CARS2: variants seen among roughly 807,000 people sequenced by gnomAD.
The protein encoded by CARS2 is cysteinyl-tRNA synthetase 2, mitochondrial, also known as probable cysteine--tRNA ligase, mitochondrial.
Under a neutral mutation model 68.8 loss-of-function variants are expected in CARS2, and 52 were observed. That is an observed-to-expected ratio of 0.76 (90% CI 0.61 to 0.95). The LOEUF (loss-of-function observed/expected upper bound fraction) is 0.95, where lower values mean the gene tolerates loss of function less well. CARS2 is among the 40% of genes least tolerant of loss of function. The pLI is 0.00. For missense variants in CARS2, 780 were observed against 754.2 expected (o/e 1.03, Z -0.40); for synonymous variants, 314 against 303.6 (o/e 1.03, Z -0.36).
chr13:110,659,892 G>A (rs2062459479), intron 9 of CARS2, among the ~76,000 whole-genome samples: 1 of 152,202 alleles, frequency 6.6e-6, no homozygotes, highest in Admixed American at 6.5e-5. Flanking sequence ...AATGAAGTCT[G>A]TGCCATCAAT....
chr13:110,705,942 C>A lies in CARS2; in HGVS notation c.152G>T (p.Gly51Val), dbSNP rs1344104443. Residue 51 changes from glycine (G) to valine (V), a missense_variant, in exon 1 of 15, where the codon GGT (glycine) becomes GTT (valine). Physicochemically the swap from Gly to Val is moderately radical, Grantham distance 109. Coordinates refer to ENST00000257347, the MANE Select transcript of CARS2 (RefSeq NM_024537.4). The surrounding 1 kb of genome is among the most constrained non-coding windows in gnomAD (Gnocchi z 4.0). The part of the protein sequence containing the change: ...AWLQPTGRET[G>V]VQVYNSLTGR... ...GGTGAGGCTGTTGTACACCTGCACA[C>A]CCGTCTCCCGGCCCGTGGGCTGCAG... The A allele has an allele frequency of 6.4e-7, 1 of 1,563,690 alleles. No individual in the cohort carries two copies. The highest frequency in any genetic ancestry group is 1.8e-5 in the Admixed American group (1 of 54,762).
chr13:110,713,375 C>T (rs1344123176), exon 1 of CARS2: 5 of 1,051,166 alleles, frequency 4.8e-6, no homozygotes, highest in Non-Finnish European at 5.7e-6. Flanking sequence ...GGCCGCTCCC[C>T]TGCGTTTCCC....
chr13:110,645,692 T>G (rs991995392), intron 12 of CARS2: 3 of 383,920 alleles, frequency 7.8e-6, no homozygotes, highest in Non-Finnish European at 1.4e-5. Context: ...ACATGAGATG[T>G]GTCCCCTGAG....
intron 8 of CARS2, chr13:110,664,235 A>G (rs2062585859): frequency 1.0e-6 from 1 of 982,344 alleles, no homozygotes; most frequent in South Asian, 4.7e-5. Context: ...GGCCGGACGC[A>G]GTGGCTCACA....
intron 5 of CARS2, among the ~76,000 whole-genome samples, chr13:110,683,967 G>A (rs2063225557): frequency 6.6e-6 from 1 of 152,234 alleles, no homozygotes; most frequent in South Asian, 2.1e-4. Context: ...CTGCAAGCCT[G>A]GGCTGCCCTT....
intron 9 of CARS2, among the ~76,000 whole-genome samples, chr13:110,661,684 T>A (rs2062506103): frequency 6.6e-6 from 1 of 152,220 alleles, no homozygotes; most frequent in Admixed American, 6.5e-5. Context: ...CATTTCTAGC[T>A]TTTGATGGAA....
At chr13:110,707,858 G>A (rs2063994815), upstream of CARS2, among the ~76,000 whole-genome samples, 1 of 152,172 alleles carries the variant, frequency 6.6e-6, no homozygotes, top group African/African-American at 2.4e-5. Context: ...ATATCCTGGA[G>A]TCCAACTCTG....
chr13:110,676,399 T>C lies in CARS2; in HGVS notation c.785+575A>G, dbSNP rs1211061659. ...GTTTCCAGAGTAGGGGATGCCGCAG[T>C]GGGCCAGGAGAGCAGTGTCGTGTGA... On this transcript the variant is annotated intron_variant, in intron 7 of 14. Transcript: ENST00000257347. The surrounding 1 kb of genome is among the most constrained non-coding windows in gnomAD (Gnocchi z 4.0). Among the ~76,000 whole-genome samples the C allele has an allele frequency of 2.6e-5, 4 of 152,092 alleles. No homozygotes were observed. The highest frequency in any genetic ancestry group is 5.9e-5 in the Non-Finnish European group (4 of 68,002).
Position 110,653,070 on chromosome 13 carries a change from T to G in CARS2, c.988-1970A>C, listed in dbSNP as rs552433590. On this transcript the variant is annotated intron_variant, in intron 9 of 14. Coordinates refer to ENST00000257347, the MANE Select transcript of CARS2 (RefSeq NM_024537.4). This position sits in a 1 kb window ranked among gnomAD's most constrained non-coding sequence, Gnocchi z 5.6. ...TCAAGCAGAGCCCCCGCTCCTCTAC[T>G]TCAGTATCATCAACGGCCTTTGGGA... is the stretch of plus-strand genomic sequence containing the variant. 7.2e-5 allele frequency among the ~76,000 whole-genome samples: 11 copies of G among 152,200 alleles called. No individual in the cohort carries two copies. The East Asian group carries it at 1.2e-3, about 16-fold the overall frequency.
rs535011932 is a variant in CARS2, at chr13:110,677,460, G to A, written c.656-357C>T. ...CATGGAAACACAATCACCCCACCACGGACACGCAGACAGTCACCCCACCAC... is the reference window on the plus strand; with the variant it reads ...CATGGAAACACAATCACCCCACCACAGACACGCAGACAGTCACCCCACCAC... On this transcript the variant is annotated intron_variant, in intron 6 of 14. Transcript: ENST00000257347. Among the ~76,000 whole-genome samples, 29 of 136,126 alleles carry A rather than the reference G, an allele frequency of 2.1e-4. 1 individual carries two copies. The highest frequency in any genetic ancestry group is 8.7e-4 in the East Asian group (4 of 4,580). 89.3% of individuals were successfully genotyped at this position (136,126 alleles called of 152,430 possible).
chr13:110,642,416 T>C lies in CARS2; in HGVS notation c.1522A>G (p.Thr508Ala). The change falls in exon 14 of 15, where the codon ACG (threonine) becomes GCG (alanine). Residue 508 changes from threonine to alanine, a missense_variant. By Grantham distance (58) the Thr-to-Ala change is moderately conservative. Coordinates refer to ENST00000257347, the MANE Select transcript of CARS2 (RefSeq NM_024537.4). The stretch of plus-strand genomic sequence containing the variant: ...AGCTGCTGCCGCCGGGCGTCCCCCG[T>C]GGCCTCGGGCATGGCCAGCGCAAAC... ...RQFALAMPEA[T>A]GDARRQQLLE... The C allele has an allele frequency of 6.3e-7, 1 of 1,595,264 alleles. No individual in the cohort carries two copies. Among genetic ancestry groups the C allele is most frequent in the Non-Finnish European group, 8.5e-7 (1 of 1,171,104 alleles).
At chr13:110,712,722 AGTGT>A (rs771933252) in intron 1 of CARS2, 2 of 695,020 alleles carry the variant, frequency 2.9e-6, no homozygotes, top group South Asian at 3.0e-5. Context: ...GGCCTTTCCA[AGTGT>A]GGGGAGCGGC....
chr13:110,713,310 T>C (rs2064060164), exon 1 of CARS2: 6 of 1,183,456 alleles, frequency 5.1e-6, no homozygotes, highest in Non-Finnish European at 6.3e-6. Flanking sequence ...TACCATGGTC[T>C]CGGAGGTTTC....
chr13:110,647,012 G>A, intron 11 of CARS2, 89 bp downstream of exon 11: 1 of 1,428,522 alleles, frequency 7.0e-7, no homozygotes, highest in South Asian at 1.4e-5. Context: ...CTGTCTCCTG[G>A]GGGCCCCTCT....
intron 8 of CARS2, chr13:110,666,397 G>A: frequency 1.0e-6 from 1 of 985,414 alleles, no homozygotes; most frequent in Non-Finnish European, 1.2e-6. Flanking sequence ...AGCCAGCTTT[G>A]TTTCTGCTTC....
Position 110,706,056 on chromosome 13 carries a change from GGGGGGCCCAGGCCT to G in CARS2, c.24_37del (p.Gly9AlafsTer64). Reference sequence around the variant, plus strand: ...AAGGCCCAGCGCGGCCTGGAGCAGCGGGGGGCCCAGGCCTGGGCCGCGCGTAGTCCTCAACATGT... The same window carrying G: ...AAGGCCCAGCGCGGCCTGGAGCAGCGGGGCCGCGCGTAGTCCTCAACATGT... On this transcript the variant is annotated frameshift_variant, in exon 1 of 15. Coordinates refer to ENST00000257347, the MANE Select transcript of CARS2 (RefSeq NM_024537.4). LOFTEE classifies it high-confidence loss of function. 7.4e-7 allele frequency: 1 copy of G among 1,358,176 alleles called. No individual in the cohort carries two copies. Among genetic ancestry groups the G allele is most frequent in the Non-Finnish European group, 9.5e-7 (1 of 1,056,970 alleles). 84.1% of individuals were successfully genotyped at this position (1,358,176 alleles called of 1,614,324 possible).
intron 7 of CARS2, among the ~76,000 whole-genome samples, chr13:110,669,452 T>C (rs995330387): frequency 1.3e-5 from 2 of 152,244 alleles, no homozygotes; most frequent in Admixed American, 6.5e-5. Context: ...CTGATGTAGC[T>C]ACTAGCTTAA....
At chr13:110,664,908 C>T (rs2062607274) in intron 8 of CARS2, 1 of 765,834 alleles carries the variant, frequency 1.3e-6, no homozygotes, top group Non-Finnish European at 1.6e-6. Flanking sequence ...GCAGGACTCC[C>T]AGCCAGCAGA....
Position 110,677,115 on chromosome 13 carries a change from A to G in CARS2, c.656-12T>C, listed in dbSNP as rs758863375. 5 of 1,599,936 alleles carry G rather than the reference A, an allele frequency of 3.1e-6. No individual in the cohort carries two copies. The South Asian group carries it at 5.6e-5, about 18-fold the overall frequency. On this transcript the variant is annotated splice_polypyrimidine_tract_variant and intron_variant, in intron 6 of 14. Coordinates refer to ENST00000257347, the MANE Select transcript of CARS2 (RefSeq NM_024537.4). ...CTTGTCAGAGTCCGCTGCAGATGAC[A>G]AACGGTACATCAGTGGGAAGAAGCT...
Sources: allele counts gnomAD v4.1 joint callset (sites outside exome capture counted in the v4.1 genomes callset), GRCh38; gene constraint gnomAD v4.1.1; non-coding constraint Gnocchi (gnomAD v3.1); transcripts MANE v1.5; gene names NCBI Gene and HGNC (gene_info 2026-07-23, HGNC 2026-07-21).